The following ABCA13 variants were observed in gnomAD, a reference collection of about 807,000 sequenced individuals.
ABCA13 encodes the protein ATP-binding cassette sub-family A member 13.
In ABCA13, 476 loss-of-function variants were observed where a neutral mutation model predicts 478.7. The observed-to-expected ratio is 0.99, with a 90% confidence interval of 0.92 to 1.07. The LOEUF (loss-of-function observed/expected upper bound fraction) is 1.07, where lower values mean the gene tolerates loss of function less well. ABCA13 is among the 50% of genes least tolerant of loss of function. The probability of loss-of-function intolerance (pLI) is 0.00; values close to 1 mark genes in which losing one functional copy is unlikely to be tolerated. For synonymous variants in ABCA13, 2,252 were observed against 2,158.9 expected (o/e 1.04, Z -1.20); for missense variants, 6,060 against 5,910.6 (o/e 1.03, Z -0.83).
chr7:48,465,441 A>G (rs958575358), intron 43 of ABCA13, among the ~76,000 whole-genome samples: 1 of 151,900 alleles, frequency 6.6e-6, no homozygotes, highest in East Asian at 1.9e-4. Flanking sequence ...TTTGGACTCA[A>G]TTATTTCTTG....
At chr7:48,630,224 T>C (rs1794054786) in intron 59 of ABCA13, among the ~76,000 whole-genome samples, 1 of 152,160 alleles carries the variant, frequency 6.6e-6, no homozygotes, top group Non-Finnish European at 1.5e-5. Context: ...AAATTTCATG[T>C]CATGGGGGTT....
intron 27 of ABCA13, among the ~76,000 whole-genome samples, chr7:48,321,228 C>G (rs970379995): frequency 6.6e-6 from 1 of 152,220 alleles, no homozygotes; most frequent in Admixed American, 6.5e-5. Flanking sequence ...ATACATCCTA[C>G]AATGCACAGG....
chr7:48,462,477 A>C (rs1308848291), intron 43 of ABCA13, among the ~76,000 whole-genome samples: 2 of 148,562 alleles, frequency 1.3e-5, no homozygotes, highest in East Asian at 2.0e-4. Flanking sequence ...TCAAAACTGC[A>C]GATTTAAGTC....
At chr7:48,255,501 C>A (rs181470713) in intron 15 of ABCA13, among the ~76,000 whole-genome samples, 68 of 152,160 alleles carry the variant, frequency 4.5e-4, no homozygotes, top group African/African-American at 1.6e-3. Flanking sequence ...ATTGTTGCCA[C>A]TTTTATATTT....
At chr7:48,538,320 C>T (rs954212680) in intron 55 of ABCA13, among the ~76,000 whole-genome samples, 13 of 152,088 alleles carry the variant, frequency 8.5e-5, no homozygotes, top group Admixed American at 3.3e-4. Context: ...AGGCTGGTCT[C>T]GAACTGCTGA....
intron 4 of ABCA13, among the ~76,000 whole-genome samples, chr7:48,220,625 C>T (rs528512267): frequency 6.6e-6 from 1 of 152,208 alleles, no homozygotes; most frequent in Non-Finnish European, 1.5e-5. Context: ...TGGCCATGGC[C>T]TGCCTGAAAG....
intron 55 of ABCA13, among the ~76,000 whole-genome samples, chr7:48,551,471 G>T (rs1432629524): frequency 1.3e-5 from 2 of 151,674 alleles, no homozygotes; most frequent in African/African-American, 4.8e-5. Flanking sequence ...AAATATTTTT[G>T]AGTTACAGAC....
At chr7:48,516,970 C>A in intron 52 of ABCA13, 89 bp downstream of exon 52, 2 of 1,401,498 alleles carry the variant, frequency 1.4e-6, no homozygotes, top group South Asian at 1.5e-5. Flanking sequence ...GCTTTTCTGA[C>A]TGGAATTCAA....
At chr7:48,500,926 G>A (rs939718651) in intron 48 of ABCA13, among the ~76,000 whole-genome samples, 1 of 152,190 alleles carries the variant, frequency 6.6e-6, no homozygotes, top group African/African-American at 2.4e-5. Context: ...TCACCATGGT[G>A]TGTCCCTCCC....
intron 55 of ABCA13, among the ~76,000 whole-genome samples, chr7:48,574,402 C>G (rs1787965863): frequency 6.6e-6 from 1 of 152,142 alleles, no homozygotes. Flanking sequence ...ACCTGAATGT[C>G]TGCTTAATGA....
At chr7:48,551,618 C>CT (rs11286722) in intron 55 of ABCA13, among the ~76,000 whole-genome samples, 36 of 147,354 alleles carry the variant, frequency 2.4e-4, no homozygotes, top group Admixed American at 4.1e-4. Flanking sequence ...GTATTGCACT[C>CT]TTTTTTTTTT....
At chr7:48,326,284 G>A (rs974598566) in intron 27 of ABCA13, among the ~76,000 whole-genome samples, 4 of 152,200 alleles carry the variant, frequency 2.6e-5, no homozygotes, top group Admixed American at 2.0e-4. Flanking sequence ...CAACTGGCAA[G>A]GGAGAATGTC....
chr7:48,387,880 T>G lies in ABCA13; in HGVS notation c.11394T>G (p.Ser3798Arg). The change falls in exon 36 of 62, where the codon AGT (serine) becomes AGG (arginine). Residue 3798 changes from serine (S) to arginine (R), a missense_variant. Coordinates refer to ENST00000435803, the MANE Select transcript of ABCA13 (RefSeq NM_152701.5). ...CCTTTACTGCCTCATATTGGAAGAG[T>G]GTGGGTTTCTTGGTGGAGAAAAGGC... ...YFPFTASYWK[S>R]VGFLVEKRQY... is the part of the protein sequence containing the mutation. 1 of 1,612,424 alleles carries G rather than the reference T, an allele frequency of 6.2e-7. No homozygotes were observed. Among genetic ancestry groups the G allele is most frequent in the South Asian group, 1.1e-5 (1 of 90,872 alleles).
intron 55 of ABCA13, among the ~76,000 whole-genome samples, chr7:48,542,171 A>G (rs1833986675): frequency 6.6e-6 from 1 of 151,638 alleles, no homozygotes; most frequent in East Asian, 1.9e-4. Flanking sequence ...AGAGAATGAG[A>G]GGATACGTTG....
rs188179366 is a variant in ABCA13, at chr7:48,179,909, A to C, written c.69+8357A>C. On this transcript the variant is annotated intron_variant, in intron 1 of 61. Transcript: ENST00000435803. ...CCAGGACATCAGTCCTATTTCCCAC[A>C]CTCCTGCGTGACAGAACTTCTTACT... Among the ~76,000 whole-genome samples the C allele has an allele frequency of 2.0e-5, 3 of 151,716 alleles. No homozygotes were observed. The East Asian group carries it at 5.8e-4, about 30-fold the overall frequency.
At chr7:48,371,620 A>G (rs1219894161) in intron 32 of ABCA13, among the ~76,000 whole-genome samples, 1 of 152,006 alleles carries the variant, frequency 6.6e-6, no homozygotes, top group East Asian at 1.9e-4. Context: ...AATGCTTGTG[A>G]TTTTTGCACA....
At chr7:48,548,026 C>A (rs1241910697) in intron 55 of ABCA13, among the ~76,000 whole-genome samples, 2 of 151,872 alleles carry the variant, frequency 1.3e-5, no homozygotes, top group Non-Finnish European at 2.9e-5. Context: ...CTTCTGTCAT[C>A]CACGATGTCT....
At chr7:48,604,348 G>A (rs1429107193) in intron 58 of ABCA13, among the ~76,000 whole-genome samples, 3 of 152,138 alleles carry the variant, frequency 2.0e-5, no homozygotes, top group Non-Finnish European at 2.9e-5. Flanking sequence ...GATCTTTCCA[G>A]CTTTCTCTTG....
At chr7:48,411,801 TGG>T (rs1756972532) in intron 40 of ABCA13, among the ~76,000 whole-genome samples, 1 of 152,124 alleles carries the variant, frequency 6.6e-6, no homozygotes, top group African/African-American at 2.4e-5. Flanking sequence ...TCAGGGTGTG[TGG>T]GAAATCACCT....
Sources: allele counts gnomAD v4.1 joint callset (sites outside exome capture counted in the v4.1 genomes callset), GRCh38; gene constraint gnomAD v4.1.1; transcripts MANE v1.5; gene names NCBI Gene and HGNC (gene_info 2026-07-23, HGNC 2026-07-21).